Variants in CLIP2 observed in about 807,000 individuals in gnomAD.
The protein encoded by CLIP2 is CAP-Gly domain containing linker protein 2.
CLIP2 carries 41 observed loss-of-function variants against 111.7 expected under a neutral mutation model. The observed-to-expected ratio is 0.37, with a 90% CI of 0.29 to 0.48. The LOEUF is 0.48. CLIP2 is among the 20% of genes least tolerant of loss of function. The pLI is 0.99. For missense variants in CLIP2, 1,160 were observed against 1,422.1 expected, an observed-to-expected ratio of 0.82 and a Z score of 2.96; for synonymous variants, 660 against 644.2, an observed-to-expected ratio of 1.02 and a Z score of -0.37.
intron 8 of CLIP2, among the ~76,000 whole-genome samples, chr7:74,368,384 G>A (rs1790515872): frequency 6.6e-6 from 1 of 151,958 alleles, no homozygotes; most frequent in Admixed American, 6.6e-5. Context: ...GGGCCTGGTG[G>A]TGGGCGCCTG....
chr7:74,381,735 G>T, intron 11 of CLIP2: 1 of 415,984 alleles, frequency 2.4e-6, no homozygotes, highest in Admixed American at 2.7e-5. Context: ...CTTATCAGTA[G>T]TACATTCTTT....
chr7:74,386,238 C>T (rs1016238587), intron 11 of CLIP2: 6 of 261,050 alleles, frequency 2.3e-5, no homozygotes, highest in East Asian at 1.4e-4. Flanking sequence ...AGTAGAGACT[C>T]GGTTTCACCA....
chr7:74,363,179 T>C (rs1406558080), intron 7 of CLIP2, among the ~76,000 whole-genome samples: 1 of 152,086 alleles, frequency 6.6e-6, no homozygotes, highest in Non-Finnish European at 1.5e-5. Flanking sequence ...TAATTTTGTA[T>C]TTTTAGTAGA....
At chr7:74,318,540 C>A (rs1554729522) in intron 2 of CLIP2, among the ~76,000 whole-genome samples, 1 of 152,034 alleles carries the variant, frequency 6.6e-6, no homozygotes, top group Admixed American at 6.6e-5. Context: ...TGGGAAAACC[C>A]TGTCTCTGCT....
At position 74,338,950 on chromosome 7, in the gene CLIP2, C is replaced by T. The variant is rs1376150900; in HGVS notation, c.624C>T (p.Asp208=). 1.3e-6 allele frequency: 2 copies of T among 1,599,918 alleles called. No homozygotes were observed. The highest frequency in any genetic ancestry group is 4.5e-5 in the East Asian group (2 of 44,866). Residue 208 remains aspartate (D), a synonymous_variant, in exon 3 of 17, where the codon GAC becomes GAT. Transcript: ENST00000223398. The surrounding 1 kb of genome is among the most constrained non-coding windows in gnomAD (Gnocchi z 4.3). ...ACGAGTCGGGATCCAACCTCTCAGACAGCGGCTCTGTGAAGCGGGGCGAAA... is the reference window on the plus strand; with the variant it reads ...ACGAGTCGGGATCCAACCTCTCAGATAGCGGCTCTGTGAAGCGGGGCGAAA... ...TGNESGSNLS[D]SGSVKRGEKD...
chr7:74,378,413 G>T (rs2116662492), intron 10 of CLIP2, among the ~76,000 whole-genome samples: 1 of 152,220 alleles, frequency 6.6e-6, no homozygotes, highest in Non-Finnish European at 1.5e-5. Flanking sequence ...CAGGGAGTAG[G>T]TACTGCACCT....
At chr7:74,350,436 G>A (rs1789950821) in intron 3 of CLIP2, among the ~76,000 whole-genome samples, 1 of 151,984 alleles carries the variant, frequency 6.6e-6, no homozygotes, top group South Asian at 2.1e-4. Context: ...TCAAAGTCCT[G>A]GCCTCAAGTG....
Position 74,324,818 on chromosome 7 carries a change from G to GA in CLIP2, c.121+7171dup, listed in dbSNP as rs11318033. 2.2e-3 allele frequency among the ~76,000 whole-genome samples: 208 copies of GA among 95,144 alleles called. 2 individuals carry two copies. Among genetic ancestry groups the GA allele is most frequent in the African/African-American group, 4.8e-3 (114 of 23,548 alleles). 62.4% of individuals were successfully genotyped at this position (95,144 alleles called of 152,430 possible). On this transcript the variant is annotated intron_variant, in intron 2 of 16. Transcript: ENST00000223398. ...TTTTGTTCCTGTTCCAAGATCTTGA[G>GA]AAAAAAAAAAAAAAAAAAAAGCCTC...
chr7:74,289,576 C>G lies in CLIP2; in HGVS notation c.-226C>G, dbSNP rs1554725080. The stretch of plus-strand genomic sequence containing the variant: ...CGAGGCCCGGGCCCTGAGCACCTAT[C>G]GCGGGGATCCCCGGCGCCAGGAGGG... On this transcript the variant is annotated 5_prime_UTR_variant, in exon 1 of 17. In the 5' UTR this introduces an upstream ATG that the reference lacks. Coordinates refer to ENST00000223398, the MANE Select transcript of CLIP2 (RefSeq NM_003388.5). 6.6e-6 allele frequency: 1 copy of G among 151,780 alleles called. No individual in the cohort carries two copies. The highest frequency in any genetic ancestry group is 1.5e-5 in the Non-Finnish European group (1 of 67,882). The allele number at this position is 151,780 out of a possible 1,614,324, so 9.4% of individuals were successfully genotyped here.
At chr7:74,354,232 C>T (rs879981086) in intron 4 of CLIP2, among the ~76,000 whole-genome samples, 12 of 152,112 alleles carry the variant, frequency 7.9e-5, no homozygotes, top group Admixed American at 2.0e-4. Context: ...TGTTCAAGGT[C>T]GCACAGTCAC....
intron 9 of CLIP2, among the ~76,000 whole-genome samples, chr7:74,374,750 A>G (rs1790729116): frequency 6.6e-6 from 1 of 152,160 alleles, no homozygotes. Context: ...AAACAAAACA[A>G]TAAGTTTATT....
chr7:74,325,280 A>G (rs1013383686), intron 2 of CLIP2, among the ~76,000 whole-genome samples: 1 of 152,138 alleles, frequency 6.6e-6, no homozygotes, highest in Admixed American at 6.6e-5. Context: ...GTGCAGGGCT[A>G]CAAGGGAGAG....
intron 8 of CLIP2, among the ~76,000 whole-genome samples, chr7:74,369,854 C>CAAAAAA (rs58294211): frequency 1.1e-4 from 1 of 9,502 alleles, no homozygotes; most frequent in African/African-American, 3.1e-4. Context: ...GACTCTGCCT[C>CAAAAAA]AAAAAAAAAA....
At position 74,388,045 on chromosome 7, in the gene CLIP2, C is replaced by T. The variant is rs149041227; in HGVS notation, c.2564-1058C>T. Among the ~76,000 whole-genome samples the T allele has an allele frequency of 7.7e-3, 1,176 of 152,038 alleles. 19 individuals carry two copies. The highest frequency in any genetic ancestry group is 0.025 in the African/African-American group (1,049 of 41,498). On this transcript the variant is annotated intron_variant, in intron 12 of 16. Coordinates refer to ENST00000223398, the MANE Select transcript of CLIP2 (RefSeq NM_003388.5). ...TCTATGAAACATACAAAAATTTGGC[C>T]GGGGCTGGGCATGGTGGCTCATGCC...
At chr7:74,372,824 CT>C in intron 8 of CLIP2, 107 bp from the exon 9 acceptor site, 1 of 319,262 alleles carries the variant, frequency 3.1e-6, no homozygotes, top group Non-Finnish European at 5.7e-6. Context: ...ATGACGCCTC[CT>C]CTCTCTCTCT....
At chr7:74,347,058 A>T (rs1789816653) in intron 3 of CLIP2, among the ~76,000 whole-genome samples, 1 of 151,778 alleles carries the variant, frequency 6.6e-6, no homozygotes, top group African/African-American at 2.4e-5. Flanking sequence ...AACAAAACAA[A>T]AAGAAAAACA....
chr7:74,317,666 A>G lies in CLIP2; in HGVS notation c.120A>G (p.Glu40=). Reference sequence around the variant, plus strand: ...CGGCGGTGGCCGCTAGCTCCAAGGAAGGTACGTGGCACACCAAGGATGGGG... The same window carrying G: ...CGGCGGTGGCCGCTAGCTCCAAGGAGGGTACGTGGCACACCAAGGATGGGG... ...SSAAVAASSK[E]GSPLHKQSSG... Residue 40 remains glutamate (E), a splice_region_variant and synonymous_variant, in exon 2 of 17, where the codon GAA becomes GAG. Coordinates refer to ENST00000223398, the MANE Select transcript of CLIP2 (RefSeq NM_003388.5). The G allele has an allele frequency of 6.8e-7, 1 of 1,479,452 alleles. No homozygotes were observed. 91.6% of individuals were successfully genotyped at this position (1,479,452 alleles called of 1,614,324 possible).
chr7:74,322,838 C>G (rs1177824490), intron 2 of CLIP2, among the ~76,000 whole-genome samples: 1 of 152,048 alleles, frequency 6.6e-6, no homozygotes, highest in Non-Finnish European at 1.5e-5. Context: ...TCAGGCGATT[C>G]TCCTGCTTCA....
intron 8 of CLIP2, among the ~76,000 whole-genome samples, chr7:74,372,197 G>T (rs1018882025): frequency 2.0e-5 from 3 of 151,992 alleles, no homozygotes; most frequent in Non-Finnish European, 4.4e-5. Flanking sequence ...AGATATTGTC[G>T]AGCTGGGACA....
Sources: gnomAD v4.1 joint callset for allele counts (sites outside exome capture counted in the v4.1 genomes callset) on GRCh38, gnomAD v4.1.1 for gene constraint, Gnocchi (gnomAD v3.1) non-coding constraint, MANE v1.5 for transcripts, NCBI Gene and HGNC (gene_info 2026-07-23, HGNC 2026-07-21) for gene names.